SCFD1: variants seen among roughly 807,000 people sequenced by gnomAD.
SCFD1 encodes the protein sec1 family domain containing 1, also known as sec1 family domain-containing protein 1.
SCFD1 carries 37 observed loss-of-function variants against 103.2 expected under a neutral mutation model. The observed-to-expected ratio is 0.36, with a 90% CI of 0.28 to 0.47. The LOEUF (loss-of-function observed/expected upper bound fraction) is 0.47, where lower values mean the gene tolerates loss of function less well. Ranked by LOEUF, SCFD1 falls within the 20% of genes least tolerant of loss-of-function variation. The probability of loss-of-function intolerance (pLI) is 1.00; values close to 1 mark genes in which losing one functional copy is unlikely to be tolerated. For missense variants in SCFD1, 639 were observed against 761.2 expected, an observed-to-expected ratio of 0.84 and a Z score of 1.89; for synonymous variants, 264 against 245.0, an observed-to-expected ratio of 1.08 and a Z score of -0.73.
At chr14:30,710,332 TAAAAAAAAAAA>T (rs397853428) in intron 19 of SCFD1, among the ~76,000 whole-genome samples, 1 of 82,026 alleles carries the variant, frequency 1.2e-5, no homozygotes, top group South Asian at 4.2e-4. Context: ...GCCATGTCAT[TAAAAAAAAAAA>T]AAAAAAAAAA....
intron 1 of SCFD1, among the ~76,000 whole-genome samples, chr14:30,623,015 T>C (rs1214018662): frequency 6.6e-6 from 1 of 152,232 alleles, no homozygotes; most frequent in Non-Finnish European, 1.5e-5. Flanking sequence ...TAGAGCATGT[T>C]TATATAGCTT....
chr14:30,705,399 T>C (rs938676486), intron 17 of SCFD1, among the ~76,000 whole-genome samples: 1 of 152,178 alleles, frequency 6.6e-6, no homozygotes, highest in Admixed American at 6.5e-5. Context: ...AGTCTCTACA[T>C]CAGTTCTTTT....
intron 19 of SCFD1, among the ~76,000 whole-genome samples, chr14:30,713,189 C>G (rs1339690022): frequency 2.0e-5 from 3 of 152,068 alleles, no homozygotes; most frequent in African/African-American, 7.2e-5. Context: ...GGTGACAGAT[C>G]TCAAAAGTTG....
chr14:30,726,821 C>T (rs1309996653), intron 23 of SCFD1, among the ~76,000 whole-genome samples: 3 of 152,240 alleles, frequency 2.0e-5, no homozygotes, highest in East Asian at 3.9e-4. Flanking sequence ...AGTCGTCTTG[C>T]TCAGTATGTC....
chr14:30,643,894 T>C (rs1885540791), intron 7 of SCFD1: 1 of 453,594 alleles, frequency 2.2e-6, no homozygotes. Flanking sequence ...GGGGGATACA[T>C]GTGCAAGTTT....
intron 14 of SCFD1, among the ~76,000 whole-genome samples, chr14:30,680,910 C>A (rs896594296): frequency 6.6e-6 from 1 of 152,210 alleles, no homozygotes. Context: ...ATTTAACTTG[C>A]TGTTCTTTTT....
rs367680597 is a variant in SCFD1 at position 30,630,653 on chromosome 14, A to G, written c.221+88A>G. On this transcript the variant is annotated intron_variant, in intron 3 of 24. Transcript: ENST00000458591. ...TGTTAGGTTACAGTATTTATGTAGT[A>G]TTGAACATTTTTTCCCTGTATCTTC... is the stretch of plus-strand genomic sequence containing the variant. 13 of 807,750 alleles carry G rather than the reference A, an allele frequency of 1.6e-5. No individual in the cohort carries two copies. The African/African-American group carries it at 1.8e-4, about 11-fold the overall frequency. The allele number at this position is 807,750 out of a possible 1,614,324, so 50.0% of individuals were successfully genotyped here. A position where few individuals can be genotyped will look rare whatever the true frequency, so the allele number is the denominator to read the frequency against.
intron 23 of SCFD1, among the ~76,000 whole-genome samples, chr14:30,730,005 C>T (rs1893330623): frequency 6.6e-6 from 1 of 152,148 alleles, no homozygotes; most frequent in African/African-American, 2.4e-5. Context: ...CTTTCTCTCC[C>T]CGCTTCCCTT....
At chr14:30,622,285 C>A, upstream of SCFD1, 1 of 1,590,254 alleles carries the variant, frequency 6.3e-7, no homozygotes. Context: ...TAAGGGCAGC[C>A]ACGTCATCCC....
At chr14:30,701,631 T>C (rs1891087506) in intron 16 of SCFD1, among the ~76,000 whole-genome samples, 1 of 152,216 alleles carries the variant, frequency 6.6e-6, no homozygotes, top group Non-Finnish European at 1.5e-5. Context: ...ATTAAAATAT[T>C]TTTCTTAAGA....
intron 14 of SCFD1, among the ~76,000 whole-genome samples, chr14:30,690,952 A>T (rs1169081318): frequency 6.6e-6 from 1 of 152,220 alleles, no homozygotes; most frequent in East Asian, 1.9e-4. Flanking sequence ...TTATTACCCA[A>T]ACTGTATTCT....
At chr14:30,692,801 C>T (rs1411850909) in intron 14 of SCFD1, among the ~76,000 whole-genome samples, 5 of 152,090 alleles carry the variant, frequency 3.3e-5, no homozygotes, top group African/African-American at 1.2e-4. Flanking sequence ...CAGCTTTTCC[C>T]AAGCTAATAT....
intron 18 of SCFD1, 97 bp from the exon 19 acceptor site, chr14:30,707,893 T>C (rs889903657): frequency 1.2e-6 from 1 of 859,328 alleles, no homozygotes; most frequent in Non-Finnish European, 2.0e-6. Context: ...ACAGCGAGCA[T>C]CAGCATGTGG....
At chr14:30,661,254 T>C (rs1231063827) in intron 10 of SCFD1, among the ~76,000 whole-genome samples, 1 of 152,152 alleles carries the variant, frequency 6.6e-6, no homozygotes, top group Non-Finnish European at 1.5e-5. Context: ...TAATCCTTGC[T>C]CTACTCGAGT....
intron 14 of SCFD1, among the ~76,000 whole-genome samples, chr14:30,679,592 T>C (rs1889311846): frequency 1.3e-5 from 2 of 152,132 alleles, no homozygotes; most frequent in South Asian, 4.1e-4. Flanking sequence ...GAAGAAGTCT[T>C]GGACATAGAT....
chr14:30,670,140 G>A, intron 10 of SCFD1, 116 bp from the exon 11 acceptor site: 1 of 748,960 alleles, frequency 1.3e-6, no homozygotes, highest in South Asian at 1.9e-5. Context: ...ATTGGGAGGA[G>A]ATGTTTTAAA....
chr14:30,734,732 G>C (rs1893715890), intron 23 of SCFD1, 58 bp from the exon 24 acceptor site: 24 of 1,271,554 alleles, frequency 1.9e-5, no homozygotes, highest in Non-Finnish European at 2.6e-5. Flanking sequence ...TCTTTTCTTG[G>C]GAATATTGAA....
At chr14:30,637,291 T>A (rs972283721) in intron 4 of SCFD1, among the ~76,000 whole-genome samples, 3 of 152,098 alleles carry the variant, frequency 2.0e-5, no homozygotes, top group African/African-American at 7.2e-5. Flanking sequence ...CCTTTTCTCT[T>A]TACAAATTTG....
At chr14:30,654,203 C>A (rs562077927) in intron 10 of SCFD1, among the ~76,000 whole-genome samples, 1 of 152,322 alleles carries the variant, frequency 6.6e-6, no homozygotes, top group East Asian at 1.9e-4. Context: ...CTATGAGACA[C>A]TATGTAATCA....
Sources: allele counts gnomAD v4.1 joint callset (sites outside exome capture counted in the v4.1 genomes callset), GRCh38; gene constraint gnomAD v4.1.1; transcripts MANE v1.5; gene names NCBI Gene and HGNC (gene_info 2026-07-23, HGNC 2026-07-21).